ARHGEF25: variants seen among roughly 807,000 people sequenced by gnomAD.
ARHGEF25 encodes the protein Rho guanine nucleotide exchange factor 25, also known as RAC/CDC42 exchange factor.
A neutral mutation model predicts 74.0 loss-of-function variants in ARHGEF25; 42 were observed. The observed-to-expected ratio is 0.57, with a 90% CI of 0.44 to 0.73. The LOEUF (loss-of-function observed/expected upper bound fraction) is 0.73. ARHGEF25 is among the 30% of genes least tolerant of loss of function. ARHGEF25 has a pLI of 0.00. For synonymous variants in ARHGEF25, 293 were observed against 278.6 expected (o/e 1.05, Z -0.51); for missense variants, 645 against 725.5 (o/e 0.89, Z 1.27).
In ARHGEF25 at chr12:57,616,013, C is replaced by G; in HGVS notation, c.1416C>G (p.Leu472=). The G allele has an allele frequency of 1.2e-6, 2 of 1,610,946 alleles. No individual in the cohort carries two copies. The highest frequency in any genetic ancestry group is 1.7e-6 in the Non-Finnish European group (2 of 1,178,156). Residue 472 remains leucine (L), a synonymous_variant, in exon 13 of 15, where the codon CTC becomes CTG. Transcript: ENST00000286494. The part of the protein sequence containing the change: ...AQILESQRDF[L]NALQSPIEYQ... ...TCTTGGAGAGCCAACGGGACTTCCT[C>G]AACGGTGAAGCTCTCATCCTTTCTT...
chr12:57,612,933 C>G lies in ARHGEF25; in HGVS notation c.101C>G (p.Ser34Cys). The change falls in exon 2 of 15, where the codon TCC becomes TGC. Residue 34 changes from serine to cysteine, a missense_variant. Physicochemically the swap from Ser to Cys is moderately radical, Grantham distance 112. Transcript: ENST00000286494. ...CCTCTCTTTTTCCTCCCATTAGAAT[C>G]CTATTCCATTGCGGGCAGTGAGGGG... ...GCCFARGGRE[S>C]YSIAGSEGSI... is the part of the protein sequence containing the mutation. 1.9e-6 allele frequency: 3 copies of G among 1,613,798 alleles called. No homozygotes were observed. The South Asian group carries it at 3.3e-5, about 18-fold the overall frequency.
rs989185348 is a variant in ARHGEF25 at position 57,611,681 on chromosome 12, G to C, written c.-214G>C. ...GCCCAGCCCGGCGGCCGGGCCCCGCGCCTCTCTCTCTCTAGAGCCCCCAGC... is the reference window on the plus strand; with the variant it reads ...GCCCAGCCCGGCGGCCGGGCCCCGCCCCTCTCTCTCTCTAGAGCCCCCAGC... On this transcript the variant is annotated 5_prime_UTR_variant, in exon 1 of 15. Transcript: ENST00000286494. This position sits in a 1 kb window ranked among gnomAD's most constrained non-coding sequence, Gnocchi z 4.5. The C allele has an allele frequency of 1.0e-4, 113 of 1,128,430 alleles. No homozygotes were observed. The highest frequency in any genetic ancestry group is 1.2e-4 in the Non-Finnish European group (111 of 922,198). The allele number at this position is 1,128,430 out of a possible 1,614,324, so 69.9% of individuals were successfully genotyped here.
chr12:57,610,765 G>A (rs1884006941), upstream of ARHGEF25: 7 of 1,219,886 alleles, frequency 5.7e-6, no homozygotes, highest in African/African-American at 6.1e-5. Context: ...ATTCTTATTA[G>A]CATAAAGTTC....
upstream of ARHGEF25, chr12:57,610,667 C>G: frequency 6.2e-7 from 1 of 1,611,314 alleles, no homozygotes; most frequent in Non-Finnish European, 8.5e-7. Flanking sequence ...GAGGTCCTCG[C>G]CGGGGCTCTG....
chr12:57,613,039 AG>A lies in ARHGEF25; in HGVS notation c.209del (p.Gly70AlafsTer9). 1.2e-6 allele frequency: 2 copies of A among 1,614,118 alleles called. No homozygotes were observed. The highest frequency in any genetic ancestry group is 1.7e-6 in the Non-Finnish European group (2 of 1,180,006). On this transcript the variant is annotated frameshift_variant, in exon 2 of 15. Coordinates refer to ENST00000286494, the MANE Select transcript of ARHGEF25 (RefSeq NM_182947.4). LOFTEE classifies it high-confidence loss of function. ...GCCTCAGCTCTGGCCCCTGTTCCCC[AG>A]GCCCCCCAGGGCCCGTCAGTGGCCT... The part of the protein sequence containing the change: ...SGLSSGPCSP[G>X]PPGPVSGLRR...
upstream of ARHGEF25, chr12:57,610,668 C>G: frequency 6.2e-7 from 1 of 1,608,008 alleles, no homozygotes; most frequent in Non-Finnish European, 8.5e-7. Context: ...AGGTCCTCGC[C>G]GGGGCTCTGC....
Position 57,615,884 on chromosome 12 carries a change from C to A in ARHGEF25, c.1287C>A (p.Arg429=). The A allele has an allele frequency of 6.2e-7, 1 of 1,614,150 alleles. No individual in the cohort carries two copies. The highest frequency in any genetic ancestry group is 8.5e-7 in the Non-Finnish European group (1 of 1,180,018). Residue 429 remains arginine (R), a synonymous_variant, in exon 13 of 15, where the codon CGC becomes CGA. Coordinates refer to ENST00000286494, the MANE Select transcript of ARHGEF25 (RefSeq NM_182947.4). ...LEGNLQGDPC[R]FALTSRGPEG... is the part of the protein sequence containing the mutation. Reference sequence around the variant, plus strand: ...GGAACCTCCAAGGTGACCCTTGCCGCTTTGCACTGACCTCCAGAGGGCCAG... The same window carrying A: ...GGAACCTCCAAGGTGACCCTTGCCGATTTGCACTGACCTCCAGAGGGCCAG...
chr12:57,612,834 G>A lies in ARHGEF25; in HGVS notation c.98-96G>A, dbSNP rs980446051. The A allele has an allele frequency of 1.8e-5, 27 of 1,526,616 alleles. No homozygotes were observed. The African/African-American group carries it at 3.6e-4, about 20-fold the overall frequency. 94.6% of individuals were successfully genotyped at this position (1,526,616 alleles called of 1,614,324 possible). A position where few individuals can be genotyped will look rare whatever the true frequency, so the allele number is the denominator to read the frequency against. On this transcript the variant is annotated intron_variant, in intron 1 of 14. Coordinates refer to ENST00000286494, the MANE Select transcript of ARHGEF25 (RefSeq NM_182947.4). ...GAGTGAGCCCTTGGAGAGAGAGGCT[G>A]AGCATCATGAAGAGAAGACCCTGGG...
At chr12:57,610,265 G>A (rs752938074), upstream of ARHGEF25, 1 of 1,590,056 alleles carries the variant, frequency 6.3e-7, no homozygotes, top group South Asian at 1.1e-5. Flanking sequence ...CCGGATACTG[G>A]GGGTCATGGG....
Position 57,614,504 on chromosome 12 carries a change from T to C in ARHGEF25, c.727-12T>C. On this transcript the variant is annotated splice_polypyrimidine_tract_variant and intron_variant, in intron 7 of 14. Transcript: ENST00000286494. This position sits in a 1 kb window ranked among gnomAD's most constrained non-coding sequence, Gnocchi z 4.6. ...GCCCACCCTGCTCTCTCTTAAACAT[T>C]ACCCCTGTTAGGAGCGCCGGCTGCA... 1.2e-6 allele frequency: 2 copies of C among 1,614,050 alleles called. No individual in the cohort carries two copies. Among genetic ancestry groups the C allele is most frequent in the Non-Finnish European group, 8.5e-7 (1 of 1,180,008 alleles).
At chr12:57,610,738 G>A (rs1565724959), upstream of ARHGEF25, 2 of 1,454,624 alleles carry the variant, frequency 1.4e-6, no homozygotes, top group Non-Finnish European at 1.9e-6. Context: ...GCCAAGTGGC[G>A]AATTCAAAAA....
rs1474410551 is a variant in ARHGEF25, at chr12:57,613,027, C to T, written c.195C>T (p.Gly65=). Residue 65 remains glycine (G), a synonymous_variant, in exon 2 of 15, where the codon GGC becomes GGT. Coordinates refer to ENST00000286494, the MANE Select transcript of ARHGEF25 (RefSeq NM_182947.4). Reference sequence around the variant, plus strand: ...GCCCCAGCTCTGGCCTCAGCTCTGGCCCCTGTTCCCCAGGCCCCCCAGGGC... The same window carrying T: ...GCCCCAGCTCTGGCCTCAGCTCTGGTCCCTGTTCCCCAGGCCCCCCAGGGC... ...PSGPSSGLSS[G]PCSPGPPGPV... 6.2e-7 allele frequency: 1 copy of T among 1,614,058 alleles called. No homozygotes were observed. Among genetic ancestry groups the T allele is most frequent in the Non-Finnish European group, 8.5e-7 (1 of 1,180,022 alleles).
At chr12:57,610,132 A>G (rs1883971786), upstream of ARHGEF25, 1 of 695,840 alleles carries the variant, frequency 1.4e-6, no homozygotes, top group African/African-American at 1.8e-5. Context: ...CGCAGCAGCA[A>G]CTCCCCGGAC....
Position 57,616,019 on chromosome 12 carries a change from T to G in ARHGEF25, c.1420+2T>G. On this transcript the variant is annotated splice_donor_variant, in intron 13 of 14. Transcript: ENST00000286494. LOFTEE classifies it high-confidence loss of function. ...AGAGCCAACGGGACTTCCTCAACGG[T>G]GAAGCTCTCATCCTTTCTTCCCGAT... 1.2e-6 allele frequency: 2 copies of G among 1,609,448 alleles called. No individual in the cohort carries two copies. The highest frequency in any genetic ancestry group is 1.7e-6 in the Non-Finnish European group (2 of 1,177,272).
At chr12:57,611,419 C>A, upstream of ARHGEF25, 1 of 985,130 alleles carries the variant, frequency 1.0e-6, no homozygotes, top group Non-Finnish European at 1.2e-6. This position sits in a 1 kb window ranked among gnomAD's most constrained non-coding sequence, Gnocchi z 4.5. Flanking sequence ...GTGGCGGCCC[C>A]GCGGCCAGGC....
At position 57,611,563 on chromosome 12, in the gene ARHGEF25, A is replaced by T. The variant is rs1247979814; in HGVS notation, c.-332A>T. The T allele has an allele frequency of 7.0e-6, 7 of 994,144 alleles. No individual in the cohort carries two copies. Among genetic ancestry groups the T allele is most frequent in the Non-Finnish European group, 8.4e-6 (7 of 836,178 alleles). The allele number at this position is 994,144 out of a possible 1,614,324, so 61.6% of individuals were successfully genotyped here. On this transcript the variant is annotated 5_prime_UTR_variant, in exon 1 of 15. Coordinates refer to ENST00000286494, the MANE Select transcript of ARHGEF25 (RefSeq NM_182947.4). This position sits in a 1 kb window ranked among gnomAD's most constrained non-coding sequence, Gnocchi z 4.5. ...CGGAGACAGCTGGAGCGGCTGCCGC[A>T]TCCCGGCCCAGCCTCCCCTACCATC...
upstream of ARHGEF25, among the ~76,000 whole-genome samples, chr12:57,610,892 C>G (rs545937800): frequency 2.0e-5 from 3 of 152,260 alleles, no homozygotes; most frequent in East Asian, 3.9e-4. Flanking sequence ...AGAGTGTCCC[C>G]GCGCCCCACC....
chr12:57,610,153 C>A, upstream of ARHGEF25: 3 of 917,182 alleles, frequency 3.3e-6, no homozygotes, highest in African/African-American at 1.7e-5. Context: ...GCGCGCAGGC[C>A]TCAAAGCCCC....
Position 57,616,930 on chromosome 12 carries a change from G to T in ARHGEF25, c.*36G>T. Reference sequence around the variant, plus strand: ...CCATGGGGGTGGTGCTGACTCAGCCGCCTATTCCCCAAGGAGCTTCAGGGC... The same window carrying T: ...CCATGGGGGTGGTGCTGACTCAGCCTCCTATTCCCCAAGGAGCTTCAGGGC... On this transcript the variant is annotated 3_prime_UTR_variant, in exon 15 of 15. Transcript: ENST00000286494. 2 of 1,523,170 alleles carry T rather than the reference G, an allele frequency of 1.3e-6. No homozygotes were observed. Among genetic ancestry groups the T allele is most frequent in the African/African-American group, 1.4e-5 (1 of 73,128 alleles). 94.4% of individuals were successfully genotyped at this position (1,523,170 alleles called of 1,614,324 possible).
Sources: gnomAD v4.1 joint callset for allele counts (sites outside exome capture counted in the v4.1 genomes callset) on GRCh38, gnomAD v4.1.1 for gene constraint, Gnocchi (gnomAD v3.1) non-coding constraint, MANE v1.5 for transcripts, NCBI Gene and HGNC (gene_info 2026-07-23, HGNC 2026-07-21) for gene names.